NPIPB2: variants seen among roughly 807,000 people sequenced by gnomAD.
The protein encoded by NPIPB2 is nuclear pore complex interacting protein family member B2.
Under a neutral mutation model 30.8 loss-of-function variants are expected in NPIPB2, and 27 were observed. The ratio of observed to expected loss-of-function variants is 0.88; its 90% CI spans 0.65 to 1.21. The LOEUF is 1.21. Among genes scored for constraint, NPIPB2 ranks in the 50% most tolerant of loss-of-function variants. The probability of loss-of-function intolerance (pLI) is 0.00; values close to 1 mark genes in which losing one functional copy is unlikely to be tolerated. For synonymous variants in NPIPB2, 147 were observed against 162.0 expected, an observed-to-expected ratio of 0.91 and a Z score of 0.70; for missense variants, 440 against 446.2, an observed-to-expected ratio of 0.99 and a Z score of 0.13.
chr16:11,933,915 GGAAAGAC>G lies in NPIPB2; in HGVS notation c.195_201del (p.Leu65PhefsTer2). The G allele has an allele frequency of 6.5e-7, 1 of 1,543,888 alleles. No homozygotes were observed. Among genetic ancestry groups the G allele is most frequent in the South Asian group, 1.1e-5 (1 of 89,848 alleles). ...TTTTCAGACTGGAAGATAGTCTTCA[GGAAAGAC>G]AACTAGGAAATAATAATATAAGAAT... On this transcript the variant is annotated frameshift_variant and splice_region_variant, in exon 3 of 8. Coordinates refer to ENST00000399147, the Ensembl canonical transcript of NPIPB2. LOFTEE classifies it high-confidence loss of function.
chr16:11,941,114 G>A (rs1350066826), intron 1 of NPIPB2: 18 of 1,426,666 alleles, frequency 1.3e-5, no homozygotes, highest in Admixed American at 2.2e-5. Flanking sequence ...ATTTCATGCC[G>A]CGTGACACAG....
At chr16:11,951,454 C>A (rs2055061104) in intron 1 of NPIPB2, among the ~76,000 whole-genome samples, 1 of 72,892 alleles carries the variant, frequency 1.4e-5, no homozygotes, top group Non-Finnish European at 2.5e-5. Flanking sequence ...ACAGACAAGA[C>A]TGTCTCAAAA....
chr16:11,938,316 A>G (rs917056185), intron 1 of NPIPB2, among the ~76,000 whole-genome samples: 1 of 149,680 alleles, frequency 6.7e-6, no homozygotes, highest in African/African-American at 2.5e-5. Context: ...GTGCCCGGCC[A>G]TTTTTTTGTT....
chr16:11,957,825 T>A (rs1257602516), intron 1 of NPIPB2, among the ~76,000 whole-genome samples: 1 of 152,216 alleles, frequency 6.6e-6, no homozygotes, highest in Non-Finnish European at 1.5e-5. Flanking sequence ...TTCAGTCTGC[T>A]GGCCTGCCCT....
rs367681934 is a variant in NPIPB2 at position 11,972,736 on chromosome 16, CGCCT to C, written c.-584+3828_-584+3831del. ...AGAATTAGCTGGACGTGGTGGTGGG[CGCCT>C]GTAATCCCAGCTACTTGGGAGGCTG... On this transcript the variant is annotated intron_variant, in intron 1 of 5. Coordinates refer to the NPIPB2 transcript ENST00000538896. Among the ~76,000 whole-genome samples the C allele has an allele frequency of 5.1e-3, 770 of 151,364 alleles. 4 individuals are homozygous for C. The highest frequency in any genetic ancestry group is 0.018 in the African/African-American group (723 of 41,198).
chr16:11,938,715 T>C (rs1314700362), intron 1 of NPIPB2, among the ~76,000 whole-genome samples: 1 of 152,122 alleles, frequency 6.6e-6, no homozygotes, highest in African/African-American at 2.4e-5. Flanking sequence ...AGCCCGTCAC[T>C]CATGGGTAAG....
chr16:11,952,875 A>G (rs910645361), intron 1 of NPIPB2, among the ~76,000 whole-genome samples: 2 of 152,030 alleles, frequency 1.3e-5, no homozygotes, highest in Non-Finnish European at 2.9e-5. Context: ...CCTTATCGCC[A>G]TCTTTCTTTG....
intron 1 of NPIPB2, among the ~76,000 whole-genome samples, chr16:11,962,228 C>T (rs918136987): frequency 7.8e-5 from 11 of 141,340 alleles, no homozygotes; most frequent in Non-Finnish European, 1.2e-4. Context: ...AGGCTGGGTG[C>T]GGTGGCTTGC....
intron 1 of NPIPB2, among the ~76,000 whole-genome samples, chr16:11,975,274 A>C (rs1225784478): frequency 7.9e-6 from 1 of 126,890 alleles, no homozygotes; most frequent in African/African-American, 2.9e-5. Context: ...CAGCCTCCCA[A>C]GTAGCTGGGA....
In NPIPB2 at chr16:11,951,659, CACACACA is replaced by C. The variant is rs1596500851; in HGVS notation, c.-583-9552_-583-9546del. Among the ~76,000 whole-genome samples the C allele has an allele frequency of 1.2e-4, 18 of 148,668 alleles. 1 individual carries two copies. Among genetic ancestry groups the C allele is most frequent in the East Asian group, 2.1e-4 (1 of 4,824 alleles). ...ACACACACACACACACACACACACA[CACACACA>C]CCCAGCCCCCAAACAACAAAATTCA... On this transcript the variant is annotated intron_variant, in intron 1 of 5. Coordinates refer to the NPIPB2 transcript ENST00000538896.
intron 1 of NPIPB2, among the ~76,000 whole-genome samples, chr16:11,951,625 T>TACACACACACAC (rs1214348316): frequency 0.014 from 1,329 of 95,850 alleles, 21 homozygotes; most frequent in Middle Eastern, 0.027. Context: ...CACATACACA[T>TACACACACACAC]ACACACACAC....
At chr16:11,947,406 G>A (rs559845608) in intron 1 of NPIPB2, among the ~76,000 whole-genome samples, 5 of 150,072 alleles carry the variant, frequency 3.3e-5, no homozygotes, top group Middle Eastern at 7.0e-3. Flanking sequence ...GTGCAGTGGC[G>A]CGATCTCGGC....
In NPIPB2 at chr16:11,969,598, CA is replaced by C. The variant is rs377548937; in HGVS notation, c.-584+6969del. 1.5e-4 allele frequency among the ~76,000 whole-genome samples: 23 copies of C among 152,276 alleles called. No individual in the cohort carries two copies. The East Asian group carries it at 4.3e-3, about 28-fold the overall frequency. On this transcript the variant is annotated intron_variant, in intron 1 of 5. Coordinates refer to the NPIPB2 transcript ENST00000538896. ...AGGAAAGCTAACTTATGTACTTCTG[CA>C]AACAGGAGAAGCCTAGAATCAACCA...
In NPIPB2 at chr16:11,934,090, G is replaced by A. The variant is rs535052662; in HGVS notation, c.193-166C>T. The stretch of plus-strand genomic sequence containing the variant: ...TACTAAAAATACAAAAATTAGCCGG[G>A]CATGGCAGCGGGCGCCTGTAATCCG... On this transcript the variant is annotated intron_variant, in intron 2 of 7. Transcript: ENST00000399147. Among the ~76,000 whole-genome samples, 42 of 151,880 alleles carry A rather than the reference G, an allele frequency of 2.8e-4. No individual in the cohort carries two copies. The South Asian group carries it at 8.5e-3, about 31-fold the overall frequency.
chr16:11,938,671 T>G (rs1458671820), intron 1 of NPIPB2, among the ~76,000 whole-genome samples: 1 of 151,800 alleles, frequency 6.6e-6, no homozygotes, highest in Non-Finnish European at 1.5e-5. Flanking sequence ...AAATTTGTGT[T>G]GAACTGCATT....
chr16:11,946,573 T>C (rs1206648888), upstream of NPIPB2, among the ~76,000 whole-genome samples: 3 of 151,676 alleles, frequency 2.0e-5, no homozygotes, highest in Non-Finnish European at 4.4e-5. Context: ...ACCATATCTT[T>C]AAGAAAAGCA....
intron 7 of NPIPB2, 38 bp from the exon 8 acceptor site, chr16:11,927,917 CATTT>C: frequency 1.2e-6 from 1 of 857,420 alleles, no homozygotes; most frequent in Non-Finnish European, 1.7e-6. Flanking sequence ...CACACATATT[CATTT>C]GATGGACAAA....
rs777298979 is a variant in NPIPB2 at position 11,933,599 on chromosome 16, C to T, written c.406G>A (p.Ala136Thr). 7 of 1,517,186 alleles carry T rather than the reference C, an allele frequency of 4.6e-6. No homozygotes were observed. The African/African-American group carries it at 1.1e-4, about 24-fold the overall frequency. The allele number at this position is 1,517,186 out of a possible 1,614,324, so 94.0% of individuals were successfully genotyped here. ...GTCACCTTCATCTTACGGATTTTAG[C>T]TCTACCTTTTGTTTCCACATGTCTC... The change falls in exon 4 of 8, where the codon GCT (alanine) becomes ACT (threonine). Residue 136 changes from alanine to threonine, a missense_variant. Around this residue, in one of 3 missense-constraint regions of NPIPB2, gnomAD observed 252 missense variants for 233.0 expected, o/e 1.08. Transcript: ENST00000399147.
chr16:11,957,077 C>T (rs963376464), intron 1 of NPIPB2, among the ~76,000 whole-genome samples: 2 of 152,054 alleles, frequency 1.3e-5, no homozygotes, highest in African/African-American at 2.4e-5. Flanking sequence ...CTGTAGTCTC[C>T]ACTGCTTGGG....
Sources: gnomAD v4.1 joint callset for allele counts (sites outside exome capture counted in the v4.1 genomes callset) on GRCh38, gnomAD v4.1.1 for gene constraint, gnomAD v4.1.1 regional missense constraint, MANE v1.5 for transcripts, NCBI Gene and HGNC (gene_info 2026-07-23, HGNC 2026-07-21) for gene names.